The following NTPCR variants were observed in gnomAD, a reference collection of about 807,000 sequenced individuals.
NTPCR encodes the protein nucleoside-triphosphatase, cancer-related.
In NTPCR, 15 loss-of-function variants were observed where a neutral mutation model predicts 19.5. The observed-to-expected ratio is 0.77, with a 90% CI of 0.51 to 1.18. The LOEUF is 1.18. Ranked by LOEUF, NTPCR falls within the 50% of genes most tolerant of loss-of-function variation. NTPCR has a pLI of 0.00. For synonymous variants in NTPCR, 90 were observed against 95.8 expected (o/e 0.94, Z 0.36); for missense variants, 206 against 240.4 (o/e 0.86, Z 0.95).
chr1:232,958,476 T>C (rs577579612), intron 3 of NTPCR, among the ~76,000 whole-genome samples: 2 of 152,374 alleles, frequency 1.3e-5, no homozygotes, highest in Admixed American at 1.3e-4. Context: ...CAAAGGCTGC[T>C]GAAGATTTTA....
In NTPCR at chr1:232,950,739, C is replaced by T. The variant is rs767390103; in HGVS notation, c.29C>T (p.Pro10Leu). 1 of 1,600,418 alleles carries T rather than the reference C, an allele frequency of 6.2e-7. No individual in the cohort carries two copies. The highest frequency in any genetic ancestry group is 1.3e-5 in the African/African-American group (1 of 74,220). ...GCCCGGCACGTGTTCCTAACGGGGC[C>T]CCCAGGTAACCCTGAGGGGATCCCC... MARHVFLTG[P>L]PGVGKTTLIH... Residue 10 changes from proline (P) to leucine (L), a missense_variant, in exon 1 of 5, where the codon CCC becomes CTC. By Grantham distance (98) the Pro-to-Leu change is moderately conservative. Transcript: ENST00000366628.
chr1:232,977,075 C>T (rs1185672514), intron 4 of NTPCR: 1 of 152,576 alleles, frequency 6.6e-6, no homozygotes, highest in East Asian at 1.9e-4. Flanking sequence ...TGCCAGGCCC[C>T]CTCTTCAGAT....
Position 232,956,437 on chromosome 1 carries a change from G to T in NTPCR, c.288G>T (p.Leu96Phe), listed in dbSNP as rs371757277. 6.2e-7 allele frequency: 1 copy of T among 1,605,186 alleles called. No individual in the cohort carries two copies. ...TTGAGCAGTTGGCACTACCCGTCTT[G>T]AGGAATGTGAGTACGTGATTTCTGC... is the stretch of plus-strand genomic sequence containing the variant. ...TSFEQLALPV[L>F]RNADCSSGPG... The change falls in exon 3 of 5, where the codon TTG (leucine) becomes TTT (phenylalanine). Residue 96 changes from leucine (L) to phenylalanine (F), a missense_variant. Physicochemically the swap from Leu to Phe is conservative, Grantham distance 22. Transcript: ENST00000366628.
intron 4 of NTPCR, chr1:232,976,467 GGCCCCTGTGGT>G (rs1284822902): frequency 6.5e-7 from 1 of 1,549,984 alleles, no homozygotes; most frequent in Non-Finnish European, 8.7e-7. Flanking sequence ...GGAAGAAAAG[GGCCCCTGTGGT>G]GCCCACCTCT....
chr1:232,961,180 T>C (rs936060692), intron 3 of NTPCR, among the ~76,000 whole-genome samples: 1 of 152,226 alleles, frequency 6.6e-6, no homozygotes, highest in Non-Finnish European at 1.5e-5. Flanking sequence ...ACTCCCTCAG[T>C]GTTGAGCATT....
intron 3 of NTPCR, chr1:232,964,119 A>G (rs1668746524): frequency 1.3e-5 from 2 of 152,202 alleles, no homozygotes; most frequent in African/African-American, 4.8e-5. Flanking sequence ...CAGATGTTAC[A>G]CTTAGTTGTC....
At chr1:232,959,217 T>G (rs969479836) in intron 3 of NTPCR, among the ~76,000 whole-genome samples, 3 of 152,134 alleles carry the variant, frequency 2.0e-5, no homozygotes, top group African/African-American at 7.2e-5. Flanking sequence ...CTCCCGATAG[T>G]GAGGGAGTTC....
At chr1:232,960,723 T>C (rs1431681844) in intron 3 of NTPCR, among the ~76,000 whole-genome samples, 1 of 152,114 alleles carries the variant, frequency 6.6e-6, no homozygotes, top group Non-Finnish European at 1.5e-5. Context: ...GTGTGTGTGG[T>C]AAGTGTTCTA....
intron 1 of NTPCR, among the ~76,000 whole-genome samples, chr1:232,951,956 C>G (rs1276451674): frequency 6.6e-6 from 1 of 152,100 alleles, no homozygotes; most frequent in Non-Finnish European, 1.5e-5. Context: ...TGGAGGTGTC[C>G]TGTTACCGTG....
intron 3 of NTPCR, chr1:232,969,344 A>T (rs1170325987): frequency 6.5e-6 from 1 of 154,984 alleles, no homozygotes; most frequent in South Asian, 2.0e-4. Flanking sequence ...CCAGAAAATA[A>T]GTGGCACCCA....
At position 232,980,583 on chromosome 1, in the gene NTPCR, G is replaced by T. The variant is rs1390125065; in HGVS notation, c.*2352G>T. Reference sequence around the variant, plus strand: ...GTATTAGTCAAACAGAATGATCATGGAGCATGTATGGAGATGTCAGATGCA... The same window carrying T: ...GTATTAGTCAAACAGAATGATCATGTAGCATGTATGGAGATGTCAGATGCA... On this transcript the variant is annotated 3_prime_UTR_variant, in exon 5 of 5. Coordinates refer to ENST00000366628, the MANE Select transcript of NTPCR (RefSeq NM_032324.3). The T allele has an allele frequency of 1.3e-5, 2 of 152,206 alleles. No homozygotes were observed. Among genetic ancestry groups the T allele is most frequent in the Non-Finnish European group, 2.9e-5 (2 of 68,028 alleles). The allele number at this position is 152,206 out of a possible 1,614,324, so 9.4% of individuals were successfully genotyped here.
Position 232,978,360 on chromosome 1 carries a change from C to T in NTPCR, c.*129C>T. The T allele has an allele frequency of 1.5e-6, 1 of 672,438 alleles. No homozygotes were observed. Among genetic ancestry groups the T allele is most frequent in the Non-Finnish European group, 2.6e-6 (1 of 388,420 alleles). The allele number at this position is 672,438 out of a possible 1,614,324, so 41.7% of individuals were successfully genotyped here. A position where few individuals can be genotyped will look rare whatever the true frequency, so the allele number is the denominator to read the frequency against. On this transcript the variant is annotated 3_prime_UTR_variant, in exon 5 of 5. Transcript: ENST00000366628. ...GTGGGCTTTTCTAGAGAAAACTCAA[C>T]AGCTGTTTCCCATAAAATGTTTAAA... is the stretch of plus-strand genomic sequence containing the variant.
intron 3 of NTPCR, among the ~76,000 whole-genome samples, chr1:232,961,366 A>G (rs1215601535): frequency 6.6e-6 from 1 of 152,232 alleles, no homozygotes; most frequent in Non-Finnish European, 1.5e-5. Context: ...TCCCACTGCC[A>G]GGGTGTGAGT....
chr1:232,971,663 G>A (rs1474673009), intron 4 of NTPCR, among the ~76,000 whole-genome samples: 1 of 152,202 alleles, frequency 6.6e-6, no homozygotes, highest in Non-Finnish European at 1.5e-5. Flanking sequence ...ACATTCTAAT[G>A]GAGGAGCTGA....
rs767154223 is a variant in NTPCR, at chr1:232,969,918, A to G, written c.304A>G (p.Ser102Gly). 1.2e-5 allele frequency: 20 copies of G among 1,613,908 alleles called. No individual in the cohort carries two copies. The South Asian group carries it at 2.2e-4, about 18-fold the overall frequency. ...TCTTTGTCATTCTCAGGCCGACTGCAGCAGTGGCCCAGGGCAAAGAGTGTG... is the reference window on the plus strand; with the variant it reads ...TCTTTGTCATTCTCAGGCCGACTGCGGCAGTGGCCCAGGGCAAAGAGTGTG... ...ALPVLRNADC[S>G]SGPGQRVCVI... is the part of the protein sequence containing the mutation. The change falls in exon 4 of 5, where the codon AGC becomes GGC. Residue 102 changes from serine (S) to glycine (G), a missense_variant. By Grantham distance (56) the Ser-to-Gly change is moderately conservative (BLOSUM62 0). Coordinates refer to ENST00000366628, the MANE Select transcript of NTPCR (RefSeq NM_032324.3).
At chr1:232,951,772 AGCAG>A (rs1668371924) in intron 1 of NTPCR, among the ~76,000 whole-genome samples, 1 of 152,086 alleles carries the variant, frequency 6.6e-6, no homozygotes, top group African/African-American at 2.4e-5. Flanking sequence ...GGAGTTGGGG[AGCAG>A]GGGGTGAGGA....
At chr1:232,959,301 T>G (rs995526810) in intron 3 of NTPCR, among the ~76,000 whole-genome samples, 2 of 152,162 alleles carry the variant, frequency 1.3e-5, no homozygotes, top group Non-Finnish European at 2.9e-5. Context: ...GTGAAGAATA[T>G]CCTTGCTTCC....
At chr1:232,963,436 CA>C (rs1161233153) in intron 3 of NTPCR, 1 of 152,210 alleles carries the variant, frequency 6.6e-6, no homozygotes, top group Non-Finnish European at 1.5e-5. Context: ...AGTCCACTCT[CA>C]AGAAACACAG....
At chr1:232,974,886 T>G (rs560194702) in intron 4 of NTPCR, among the ~76,000 whole-genome samples, 1 of 152,258 alleles carries the variant, frequency 6.6e-6, no homozygotes, top group East Asian at 1.9e-4. Context: ...TGCATGGGGG[T>G]TAAGTTTCCA....
Sources: allele counts gnomAD v4.1 joint callset (sites outside exome capture counted in the v4.1 genomes callset), GRCh38; gene constraint gnomAD v4.1.1; transcripts MANE v1.5; gene names NCBI Gene and HGNC (gene_info 2026-07-23, HGNC 2026-07-21).